The following ZNF407 variants were observed in gnomAD, a reference collection of about 807,000 sequenced individuals.
ZNF407 encodes zinc finger protein 407.
Under a neutral mutation model 131.2 loss-of-function variants are expected in ZNF407, and 17 were observed. The observed-to-expected ratio is 0.13, with a 90% confidence interval of 0.09 to 0.19. The LOEUF (loss-of-function observed/expected upper bound fraction) is 0.19. Among genes scored for constraint, ZNF407 ranks in the 10% least tolerant of loss-of-function variants. The pLI is 1.00. For synonymous variants in ZNF407, 1,156 were observed against 1,062.0 expected (o/e 1.09, Z -1.72); for missense variants, 2,681 against 2,830.6 (o/e 0.95, Z 1.20).
At chr18:74,639,685 CTTCA>C (rs992123495) in intron 2 of ZNF407, among the ~76,000 whole-genome samples, 2 of 152,172 alleles carry the variant, frequency 1.3e-5, no homozygotes, top group Non-Finnish European at 2.9e-5. Flanking sequence ...AGAGATCTGG[CTTCA>C]TTGTCATTGA....
chr18:74,730,165 T>C (rs938558199), intron 3 of ZNF407, among the ~76,000 whole-genome samples: 2 of 152,206 alleles, frequency 1.3e-5, no homozygotes, highest in African/African-American at 4.8e-5. Context: ...AAGGAAATTG[T>C]GCATGGAAAT....
At chr18:74,902,577 A>G (rs1971541970) in intron 7 of ZNF407, among the ~76,000 whole-genome samples, 1 of 152,234 alleles carries the variant, frequency 6.6e-6, no homozygotes, top group East Asian at 1.9e-4. Flanking sequence ...AAAAATGGAC[A>G]TAGATTATTA....
At chr18:74,776,468 A>G (rs563462567) in intron 3 of ZNF407, among the ~76,000 whole-genome samples, 4 of 152,236 alleles carry the variant, frequency 2.6e-5, no homozygotes, top group African/African-American at 9.6e-5. Context: ...AGAAAATACT[A>G]TGCAGATCTC....
chr18:74,935,378 A>C (rs1391344669), intron 8 of ZNF407, among the ~76,000 whole-genome samples: 2 of 152,204 alleles, frequency 1.3e-5, no homozygotes, highest in African/African-American at 4.8e-5. Context: ...TCTGGTCAAC[A>C]CTGAAATGTG....
chr18:74,833,481 A>G (rs1425372700), intron 4 of ZNF407, among the ~76,000 whole-genome samples: 2 of 152,236 alleles, frequency 1.3e-5, no homozygotes, highest in African/African-American at 2.4e-5. Flanking sequence ...AGGGACCTGC[A>G]GGATGCAAAG....
At chr18:74,821,343 C>T (rs1277461966) in intron 4 of ZNF407, among the ~76,000 whole-genome samples, 4 of 151,914 alleles carry the variant, frequency 2.6e-5, no homozygotes, top group African/African-American at 9.7e-5. Context: ...CATAGGTATA[C>T]ACATGCCATG....
intron 8 of ZNF407, among the ~76,000 whole-genome samples, chr18:75,016,370 C>T (rs996057929): frequency 7.9e-5 from 12 of 152,072 alleles, no homozygotes; most frequent in African/African-American, 2.9e-4. Context: ...CTATTTAAAA[C>T]ACTATGTAGT....
intron 4 of ZNF407, among the ~76,000 whole-genome samples, chr18:74,869,176 CTTTA>C (rs1433637308): frequency 6.6e-6 from 1 of 152,080 alleles, no homozygotes; most frequent in Non-Finnish European, 1.5e-5. Context: ...AAGAAATTCC[CTTTA>C]TTTGTTCTTT....
At chr18:74,763,286 T>C (rs1296167888) in intron 3 of ZNF407, among the ~76,000 whole-genome samples, 3 of 126,630 alleles carry the variant, frequency 2.4e-5, no homozygotes, top group Non-Finnish European at 5.0e-5. Context: ...ATTTAAAAAA[T>C]TGTGTTGTTT....
At chr18:75,006,958 G>A (rs913418120) in intron 8 of ZNF407, among the ~76,000 whole-genome samples, 11 of 151,246 alleles carry the variant, frequency 7.3e-5, no homozygotes, top group Non-Finnish European at 1.6e-4. Flanking sequence ...AATGCTTTTT[G>A]CCTAAAAGTC....
intron 4 of ZNF407, among the ~76,000 whole-genome samples, chr18:74,788,853 T>C (rs1177620993): frequency 6.7e-6 from 1 of 150,234 alleles, no homozygotes; most frequent in Non-Finnish European, 1.5e-5. Flanking sequence ...TAAACTTGAA[T>C]ATTATATATT....
At chr18:74,687,822 T>C (rs1967130240) in intron 3 of ZNF407, among the ~76,000 whole-genome samples, 1 of 152,210 alleles carries the variant, frequency 6.6e-6, no homozygotes, top group South Asian at 2.1e-4. Context: ...ATGACCCATC[T>C]AACATCATAT....
At chr18:75,057,852 G>A (rs191401794) in intron 8 of ZNF407, among the ~76,000 whole-genome samples, 225 of 152,278 alleles carry the variant, frequency 1.5e-3, no homozygotes, top group Admixed American at 4.2e-3. Context: ...TTTTTAGTCT[G>A]TAATGACATT....
At chr18:74,729,322 A>G (rs537973496) in intron 3 of ZNF407, among the ~76,000 whole-genome samples, 2 of 152,314 alleles carry the variant, frequency 1.3e-5, no homozygotes, top group African/African-American at 4.8e-5. Flanking sequence ...GTGAAAGATG[A>G]GAAGTTACCT....
chr18:74,621,995 T>G (rs1983530885), intron 1 of ZNF407, among the ~76,000 whole-genome samples: 2 of 152,184 alleles, frequency 1.3e-5, no homozygotes, highest in South Asian at 4.2e-4. Context: ...AGTGAATGGT[T>G]TTTTAGGGTG....
intron 7 of ZNF407, among the ~76,000 whole-genome samples, chr18:74,897,433 T>G (rs976724644): frequency 2.6e-5 from 4 of 152,192 alleles, no homozygotes; most frequent in African/African-American, 9.6e-5. Flanking sequence ...TGCTATCTCT[T>G]TAAGTAGAAT....
intron 3 of ZNF407, among the ~76,000 whole-genome samples, chr18:74,646,233 T>C (rs1377748258): frequency 2.6e-5 from 4 of 152,190 alleles, no homozygotes; most frequent in Non-Finnish European, 2.9e-5. Context: ...CACCATGGAA[T>C]TGCATTTTTA....
chr18:74,744,739 C>T (rs1000837927), intron 3 of ZNF407, among the ~76,000 whole-genome samples: 2 of 151,912 alleles, frequency 1.3e-5, no homozygotes, highest in South Asian at 2.1e-4. Context: ...CAATGTGATA[C>T]CATTTTTGAA....
chr18:74,910,250 T>C (rs1465645055), intron 7 of ZNF407, among the ~76,000 whole-genome samples: 1 of 152,194 alleles, frequency 6.6e-6, no homozygotes, highest in Non-Finnish European at 1.5e-5. Context: ...TTTATAAACA[T>C]GAGTTGTAAA....
Sources: allele counts gnomAD v4.1 joint callset (sites outside exome capture counted in the v4.1 genomes callset), GRCh38; gene constraint gnomAD v4.1.1; transcripts MANE v1.5; gene names NCBI Gene and HGNC (gene_info 2026-07-23, HGNC 2026-07-21).